MAML2: variants seen among roughly 807,000 people sequenced by gnomAD.
MAML2 encodes mastermind like transcriptional coactivator 2.
Under a neutral mutation model 96.1 loss-of-function variants are expected in MAML2, and 22 were observed. The ratio of observed to expected loss-of-function variants is 0.23; its 90% CI spans 0.16 to 0.33. The LOEUF (loss-of-function observed/expected upper bound fraction) is 0.33, where lower values mean the gene tolerates loss of function less well. MAML2 is among the 10% of genes least tolerant of loss of function. The pLI, the probability that MAML2 is intolerant of heterozygous loss-of-function variation, is 1.00. For synonymous variants in MAML2, 561 were observed against 521.3 expected (o/e 1.08, Z -1.04); for missense variants, 1,367 against 1,392.4 (o/e 0.98, Z 0.29).
chr11:96,098,616 G>A (rs1859872977), intron 1 of MAML2, among the ~76,000 whole-genome samples: 1 of 152,228 alleles, frequency 6.6e-6, no homozygotes, highest in African/African-American at 2.4e-5. Context: ...CTGAGATCCA[G>A]CAAACTGTTT....
chr11:96,322,569 G>T (rs1319214174), intron 1 of MAML2, among the ~76,000 whole-genome samples: 1 of 151,960 alleles, frequency 6.6e-6, no homozygotes, highest in Non-Finnish European at 1.5e-5. Flanking sequence ...GCGGGCGCCT[G>T]TATTCCCAGC....
chr11:96,267,915 T>C (rs1399777684), intron 1 of MAML2, among the ~76,000 whole-genome samples: 1 of 152,346 alleles, frequency 6.6e-6, no homozygotes, highest in East Asian at 1.9e-4. Context: ...ATGCACTGTT[T>C]AGAACAACTC....
intron 1 of MAML2, among the ~76,000 whole-genome samples, chr11:96,212,400 T>A (rs1861986412): frequency 6.8e-6 from 1 of 147,500 alleles, no homozygotes; most frequent in Admixed American, 6.9e-5. Context: ...CATTTAAGGG[T>A]TTACCCAGGA....
At chr11:95,989,071 C>A (rs768923662) in intron 3 of MAML2, among the ~76,000 whole-genome samples, 2 of 152,194 alleles carry the variant, frequency 1.3e-5, no homozygotes, top group African/African-American at 4.8e-5. Flanking sequence ...TTGGTAATTA[C>A]GATGTCCGTT....
At chr11:95,985,383 A>C in intron 4 of MAML2, 148 bp downstream of exon 4, 1 of 572,594 alleles carries the variant, frequency 1.7e-6, no homozygotes, top group Non-Finnish European at 3.0e-6. Flanking sequence ...AAAAATATTT[A>C]ACTGTAGTCT....
rs541169768 is a variant in MAML2, at chr11:96,342,033, G to A, written c.-138C>T. ...ATGAATAGAGGTCTTCAGAGGTTGTGGGGGAGCCGTGGAGAAGTTGTGGGG... is the reference window on the plus strand; with the variant it reads ...ATGAATAGAGGTCTTCAGAGGTTGTAGGGGAGCCGTGGAGAAGTTGTGGGG... On this transcript the variant is annotated 5_prime_UTR_variant, in exon 1 of 5. Coordinates refer to ENST00000524717, the MANE Select transcript of MAML2 (RefSeq NM_032427.4). 13 of 833,132 alleles carry A rather than the reference G, an allele frequency of 1.6e-5. No individual in the cohort carries two copies. In the East Asian group the frequency reaches 3.3e-4, roughly 21 times the overall value. 51.6% of individuals were successfully genotyped at this position (833,132 alleles called of 1,614,324 possible). A position where few individuals can be genotyped will look rare whatever the true frequency, so the allele number is the denominator to read the frequency against.
intron 1 of MAML2, among the ~76,000 whole-genome samples, chr11:96,099,318 C>G (rs1347643495): frequency 6.6e-6 from 1 of 152,168 alleles, no homozygotes; most frequent in Admixed American, 6.5e-5. Flanking sequence ...ATAGTAAATT[C>G]TAGCTCCTCA....
intron 1 of MAML2, among the ~76,000 whole-genome samples, chr11:96,131,137 A>G (rs998147827): frequency 1.3e-5 from 2 of 152,136 alleles, no homozygotes; most frequent in Non-Finnish European, 2.9e-5. Context: ...AGCAGGGTCC[A>G]GGGTAGAAAT....
intron 1 of MAML2, among the ~76,000 whole-genome samples, chr11:96,217,376 C>T (rs1036927020): frequency 6.6e-6 from 1 of 152,220 alleles, no homozygotes; most frequent in Non-Finnish European, 1.5e-5. Flanking sequence ...GCTGTTGATA[C>T]AGTTCACACA....
rs144566644 is a variant in MAML2, at chr11:96,138,466, C to T, written c.514-44949G>A. Among the ~76,000 whole-genome samples, 237 of 152,272 alleles carry T rather than the reference C, an allele frequency of 1.6e-3. 1 individual carries two copies. Among genetic ancestry groups the T allele is most frequent in the African/African-American group, 5.1e-3 (210 of 41,560 alleles). On this transcript the variant is annotated intron_variant, in intron 1 of 4. Coordinates refer to ENST00000524717, the MANE Select transcript of MAML2 (RefSeq NM_032427.4). ...TGGCTGCCTCTTATATTGTGTTCCACAAGGGTGCTCAGGAAATTTATGAAA... is the reference window on the plus strand; with the variant it reads ...TGGCTGCCTCTTATATTGTGTTCCATAAGGGTGCTCAGGAAATTTATGAAA...
chr11:95,998,174 G>GTCTGTCTGTCTATCTATCTA (rs139615820), intron 2 of MAML2, among the ~76,000 whole-genome samples: 40 of 147,824 alleles, frequency 2.7e-4, no homozygotes, highest in South Asian at 1.1e-3. Flanking sequence ...CTGTCTGTCT[G>GTCTGTCTGTCTATCTATCTA]TCTATCTATC....
intron 1 of MAML2, among the ~76,000 whole-genome samples, chr11:96,271,396 T>C (rs1006980319): frequency 3.9e-5 from 6 of 152,154 alleles, no homozygotes; most frequent in African/African-American, 1.4e-4. Context: ...ACATGAGATT[T>C]GGGAGGGGCC....
intron 4 of MAML2, among the ~76,000 whole-genome samples, chr11:95,981,999 A>C (rs1313062758): frequency 1.3e-5 from 2 of 152,222 alleles, no homozygotes; most frequent in Non-Finnish European, 2.9e-5. Flanking sequence ...AGCTCCTAAC[A>C]GGTGACAGAG....
At chr11:96,245,382 TG>T (rs1435714216) in intron 1 of MAML2, among the ~76,000 whole-genome samples, 1 of 152,198 alleles carries the variant, frequency 6.6e-6, no homozygotes, top group Non-Finnish European at 1.5e-5. Context: ...GTGAGAATTT[TG>T]TTTCCCAAGT....
chr11:96,035,541 T>C (rs1019222312), intron 2 of MAML2, among the ~76,000 whole-genome samples: 1 of 152,166 alleles, frequency 6.6e-6, no homozygotes, highest in South Asian at 2.1e-4. Context: ...CCCAAAGTCC[T>C]GTGCAGGCTG....
chr11:95,984,901 AG>A (rs1181811866), intron 4 of MAML2, among the ~76,000 whole-genome samples: 5 of 152,192 alleles, frequency 3.3e-5, no homozygotes, highest in African/African-American at 9.6e-5. Context: ...AGAGCAATAT[AG>A]GCTGGGTTTG....
intron 1 of MAML2, among the ~76,000 whole-genome samples, chr11:96,120,522 C>T (rs1860319894): frequency 6.6e-6 from 1 of 152,206 alleles, no homozygotes; most frequent in African/African-American, 2.4e-5. Flanking sequence ...CTCTTCCATC[C>T]TCTTTGTTAG....
intron 2 of MAML2, among the ~76,000 whole-genome samples, chr11:96,027,570 C>T (rs538826317): frequency 1.3e-5 from 2 of 152,030 alleles, no homozygotes; most frequent in Non-Finnish European, 2.9e-5. Flanking sequence ...GCAGTGGGAC[C>T]ACAGAGGAAA....
intron 1 of MAML2, among the ~76,000 whole-genome samples, chr11:96,212,181 T>C (rs1359136194): frequency 6.7e-6 from 1 of 148,676 alleles, no homozygotes; most frequent in Non-Finnish European, 1.5e-5. Context: ...CATTTGTGGA[T>C]ACAATTTTTG....
Sources: gnomAD v4.1 joint callset for allele counts (sites outside exome capture counted in the v4.1 genomes callset) on GRCh38, gnomAD v4.1.1 for gene constraint, MANE v1.5 for transcripts, NCBI Gene and HGNC (gene_info 2026-07-23, HGNC 2026-07-21) for gene names.